The following HDAC9 variants were observed in gnomAD, a reference collection of about 807,000 sequenced individuals.
HDAC9 encodes MEF-2 interacting transcription repressor (MITR) protein.
A neutral mutation model predicts 139.4 loss-of-function variants in HDAC9; 41 were observed. That is an observed-to-expected ratio of 0.29 (90% CI 0.23 to 0.38). The LOEUF is 0.38. Among genes scored for constraint, HDAC9 ranks in the 10% least tolerant of loss-of-function variants. HDAC9 has a pLI of 1.00. For synonymous variants in HDAC9, 517 were observed against 476.2 expected (o/e 1.09, Z -1.12); for missense variants, 1,147 against 1,297.0 (o/e 0.88, Z 1.78).
At chr7:18,484,415 C>T (rs73060391) in intron 1 of HDAC9, among the ~76,000 whole-genome samples, 9,581 of 151,386 alleles carry the variant, frequency 0.063, 383 homozygotes, top group South Asian at 0.14. Flanking sequence ...CATGGGTTCT[C>T]ATTTCTTAAC....
intron 22 of HDAC9, among the ~76,000 whole-genome samples, chr7:18,913,069 C>G (rs1802879208): frequency 1.3e-5 from 2 of 152,064 alleles, no homozygotes; most frequent in South Asian, 4.1e-4. Flanking sequence ...CTTTCTATTT[C>G]TCTTTTGTGT....
At chr7:18,748,798 G>GT (rs1788200350) in intron 13 of HDAC9, among the ~76,000 whole-genome samples, 1 of 152,176 alleles carries the variant, frequency 6.6e-6, no homozygotes, top group Admixed American at 6.5e-5. Context: ...TGGTTAATGC[G>GT]TAAGTTCGTG....
intron 1 of HDAC9, among the ~76,000 whole-genome samples, chr7:18,320,267 T>G (rs1439251721): frequency 2.0e-5 from 3 of 152,356 alleles, no homozygotes; most frequent in South Asian, 2.1e-4. Context: ...TCTCCCTTCC[T>G]GTACTCTGTG....
chr7:18,709,894 G>A (rs537999633), intron 12 of HDAC9, among the ~76,000 whole-genome samples: 1 of 151,984 alleles, frequency 6.6e-6, no homozygotes, highest in Admixed American at 6.6e-5. Context: ...GTTCTGCCAG[G>A]GTCCTCCTAC....
At chr7:18,821,247 T>C (rs888824448) in intron 17 of HDAC9, among the ~76,000 whole-genome samples, 33 of 152,330 alleles carry the variant, frequency 2.2e-4, no homozygotes, top group Admixed American at 2.6e-4. Flanking sequence ...TAATATCATA[T>C]TGACCCTTAA....
At chr7:18,808,217 T>C (rs1793883862) in intron 17 of HDAC9, 1 of 152,200 alleles carries the variant, frequency 6.6e-6, no homozygotes, top group Non-Finnish European at 1.5e-5. Flanking sequence ...GCCAGTGATC[T>C]GCCAAATCAA....
chr7:18,272,623 G>T (rs934695820), intron 2 of HDAC9, among the ~76,000 whole-genome samples: 1 of 152,028 alleles, frequency 6.6e-6, no homozygotes, highest in Non-Finnish European at 1.5e-5. Context: ...TTCAAAATAT[G>T]TTCATGTACA....
chr7:18,933,934 GTC>G (rs1781438166), intron 22 of HDAC9, among the ~76,000 whole-genome samples: 1 of 152,188 alleles, frequency 6.6e-6, no homozygotes, highest in South Asian at 2.1e-4. Flanking sequence ...AAGAGGGAAA[GTC>G]TGGAAGACAG....
intron 6 of HDAC9, among the ~76,000 whole-genome samples, chr7:18,617,826 C>T (rs562171445): frequency 6.6e-6 from 1 of 152,204 alleles, no homozygotes; most frequent in African/African-American, 2.4e-5. Context: ...GGAACTAATA[C>T]ACATTTATTT....
chr7:18,586,560 G>A (rs984147978), intron 3 of HDAC9, among the ~76,000 whole-genome samples: 6 of 152,038 alleles, frequency 3.9e-5, no homozygotes, highest in African/African-American at 1.4e-4. Context: ...GATGTTACTA[G>A]TATGTAATTT....
Position 18,769,573 on chromosome 7 carries a change from C to T in HDAC9, c.2214+2418C>T, listed in dbSNP as rs185698511. ...GTGTGAATGTGTGTGTGTGTGTGTGCAAGTTTGCACTTGCTGATGCTCTTG... is the reference window on the plus strand; with the variant it reads ...GTGTGAATGTGTGTGTGTGTGTGTGTAAGTTTGCACTTGCTGATGCTCTTG... On this transcript the variant is annotated intron_variant, in intron 16 of 25. Coordinates refer to ENST00000686413, the MANE Select transcript of HDAC9 (RefSeq NM_178425.4). 3.8e-3 allele frequency among the ~76,000 whole-genome samples: 573 copies of T among 150,270 alleles called. 4 individuals are homozygous for T. Among genetic ancestry groups the T allele is most frequent in the South Asian group, 0.024 (115 of 4,746 alleles).
intron 2 of HDAC9, among the ~76,000 whole-genome samples, chr7:18,542,117 C>A (rs972801000): frequency 7.2e-5 from 11 of 152,140 alleles, no homozygotes; most frequent in African/African-American, 2.7e-4. Flanking sequence ...TCAGAAGTTG[C>A]CATAAGACCC....
chr7:18,385,453 A>G (rs1456442649), intron 1 of HDAC9, among the ~76,000 whole-genome samples: 1 of 152,208 alleles, frequency 6.6e-6, no homozygotes, highest in Non-Finnish European at 1.5e-5. Context: ...TAACCCACTA[A>G]AGTAAATCTG....
chr7:18,507,196 A>ATTG (rs1800044770), intron 2 of HDAC9, among the ~76,000 whole-genome samples: 2 of 148,726 alleles, frequency 1.3e-5, no homozygotes, highest in Non-Finnish European at 3.0e-5. Context: ...TATTATTATT[A>ATTG]TTATTACTAT....
At chr7:18,449,343 A>T (rs1317199131) in intron 1 of HDAC9, among the ~76,000 whole-genome samples, 1 of 152,188 alleles carries the variant, frequency 6.6e-6, no homozygotes, top group African/African-American at 2.4e-5. Context: ...TTACAAATAT[A>T]ATACTGAAAG....
At chr7:18,673,669 T>C (rs1795791584) in intron 12 of HDAC9, among the ~76,000 whole-genome samples, 1 of 152,072 alleles carries the variant, frequency 6.6e-6, no homozygotes, top group African/African-American at 2.4e-5. Flanking sequence ...TGTTTCTGCT[T>C]TAGATCGTCT....
At chr7:18,284,527 G>C (rs1185588898) in intron 2 of HDAC9, among the ~76,000 whole-genome samples, 1 of 152,114 alleles carries the variant, frequency 6.6e-6, no homozygotes, top group African/African-American at 2.4e-5. Flanking sequence ...CGGGTTAACT[G>C]CCTGTATTCC....
chr7:18,294,178 T>C (rs1296081048), intron 1 of HDAC9, among the ~76,000 whole-genome samples: 2 of 152,140 alleles, frequency 1.3e-5, no homozygotes, highest in African/African-American at 4.8e-5. Context: ...AGTGATGCTA[T>C]AGTTCACAAA....
intron 17 of HDAC9, among the ~76,000 whole-genome samples, chr7:18,821,065 A>T (rs1172217527): frequency 6.6e-6 from 1 of 152,178 alleles, no homozygotes. Context: ...CCAAAATGGC[A>T]CTTTGTTGCT....
Sources: gnomAD v4.1 joint callset for allele counts (sites outside exome capture counted in the v4.1 genomes callset) on GRCh38, gnomAD v4.1.1 for gene constraint, MANE v1.5 for transcripts, NCBI Gene and HGNC (gene_info 2026-07-23, HGNC 2026-07-21) for gene names.